MCTP2: variants seen among roughly 807,000 people sequenced by gnomAD.
MCTP2 encodes multiple C2 and transmembrane domain-containing protein 2.
Under a neutral mutation model 111.6 loss-of-function variants are expected in MCTP2, and 132 were observed. The observed-to-expected ratio is 1.18, with a 90% CI of 1.03 to 1.37. MCTP2 has a LOEUF of 1.37. MCTP2 is among the 40% of genes most tolerant of loss of function. The pLI is 0.00. For missense variants in MCTP2, 1,183 were observed against 1,067.9 expected (o/e 1.11, Z -1.50); for synonymous variants, 395 against 387.7 (o/e 1.02, Z -0.22).
chr15:94,466,221 CTT>C (rs1224254949), intron 20 of MCTP2, among the ~76,000 whole-genome samples: 4 of 152,126 alleles, frequency 2.6e-5, no homozygotes, highest in African/African-American at 9.6e-5. Flanking sequence ...TATCTGAAAT[CTT>C]TTCTTTCAGA....
chr15:94,419,430 A>T (rs2082522345), intron 17 of MCTP2, among the ~76,000 whole-genome samples: 1 of 152,138 alleles, frequency 6.6e-6, no homozygotes, highest in East Asian at 1.9e-4. Context: ...AAGTGGAAAT[A>T]TGAAGGTTTT....
chr15:94,399,894 C>T, intron 15 of MCTP2, 27 bp from the exon 16 acceptor site: 1 of 1,607,036 alleles, frequency 6.2e-7, no homozygotes, highest in African/African-American at 1.3e-5. Context: ...ACATGCTGCC[C>T]TTTTTTAACA....
intron 17 of MCTP2, among the ~76,000 whole-genome samples, chr15:94,426,496 T>A (rs7180817): frequency 4.2e-3 from 644 of 152,198 alleles, no homozygotes; most frequent in African/African-American, 0.013. Context: ...TCTGTTCCAC[T>A]GTTAAATTCA....
intron 1 of MCTP2, among the ~76,000 whole-genome samples, chr15:94,275,078 G>C (rs904031723): frequency 6.6e-6 from 1 of 152,152 alleles, no homozygotes; most frequent in East Asian, 1.9e-4. Context: ...CGCTTTGAAG[G>C]TTGCAGAAGA....
chr15:94,372,787 A>AG (rs1172692130), intron 12 of MCTP2, among the ~76,000 whole-genome samples: 2 of 151,966 alleles, frequency 1.3e-5, no homozygotes, highest in African/African-American at 4.8e-5. Context: ...TAAAAAAAAA[A>AG]GCATTTACTC....
At chr15:94,386,971 C>T (rs2080526798) in intron 14 of MCTP2, among the ~76,000 whole-genome samples, 1 of 152,030 alleles carries the variant, frequency 6.6e-6, no homozygotes, top group Non-Finnish European at 1.5e-5. Context: ...TTGTAGCCAA[C>T]CTAAAAAAAA....
chr15:94,440,574 C>T (rs1350662916), intron 18 of MCTP2, among the ~76,000 whole-genome samples: 1 of 152,216 alleles, frequency 6.6e-6, no homozygotes, highest in Non-Finnish European at 1.5e-5. Context: ...GTGTGCTCAT[C>T]TGATTCTCTG....
At chr15:94,275,746 A>T (rs564223207) in intron 1 of MCTP2, among the ~76,000 whole-genome samples, 3 of 152,206 alleles carry the variant, frequency 2.0e-5, no homozygotes, top group African/African-American at 7.2e-5. Context: ...ATCAACTTGT[A>T]AGAAAGATAA....
chr15:94,401,740 A>G (rs566622495), intron 16 of MCTP2, among the ~76,000 whole-genome samples, 160 bp from the exon 17 acceptor site: 10 of 152,364 alleles, frequency 6.6e-5, no homozygotes, highest in Non-Finnish European at 1.0e-4. Flanking sequence ...CATATTTTAA[A>G]AAGACTTTTA....
At chr15:94,309,107 T>C (rs2076016290) in intron 2 of MCTP2, among the ~76,000 whole-genome samples, 1 of 152,212 alleles carries the variant, frequency 6.6e-6, no homozygotes, top group Non-Finnish European at 1.5e-5. Context: ...CTTGGCCGTT[T>C]AGTAGGCTTG....
At chr15:94,245,311 T>C (rs1458457210) in intron 1 of MCTP2, among the ~76,000 whole-genome samples, 4 of 142,786 alleles carry the variant, frequency 2.8e-5, no homozygotes, top group Admixed American at 2.1e-4. Context: ...TATACATATA[T>C]GTACATATAT....
intron 1 of MCTP2, among the ~76,000 whole-genome samples, chr15:94,232,193 T>G (rs1305169498): frequency 7.9e-5 from 12 of 152,260 alleles, no homozygotes; most frequent in South Asian, 4.1e-4. Context: ...GACAGTGATG[T>G]TGGTGGTGAA....
At chr15:94,283,667 C>A (rs1267519754) in intron 1 of MCTP2, among the ~76,000 whole-genome samples, 2 of 152,158 alleles carry the variant, frequency 1.3e-5, no homozygotes, top group Non-Finnish European at 2.9e-5. Context: ...GGTCTACATC[C>A]TCCCTCTGTC....
At chr15:94,354,534 C>T (rs1217745082) in intron 8 of MCTP2, among the ~76,000 whole-genome samples, 2 of 152,122 alleles carry the variant, frequency 1.3e-5, no homozygotes, top group Non-Finnish European at 2.9e-5. Flanking sequence ...TCCCCTTCAC[C>T]TTCCATGGTG....
At chr15:94,443,341 C>A (rs2083899381) in intron 19 of MCTP2, among the ~76,000 whole-genome samples, 1 of 152,176 alleles carries the variant, frequency 6.6e-6, no homozygotes, top group African/African-American at 2.4e-5. Flanking sequence ...TCACCCACTT[C>A]CGCGCCTGTC....
In MCTP2 at chr15:94,245,720, A is replaced by G. The variant is rs868311145; in HGVS notation, c.-66+14056A>G. Among the ~76,000 whole-genome samples, 1,171 of 144,206 alleles carry G rather than the reference A, an allele frequency of 8.1e-3. 15 individuals carry two copies. Among genetic ancestry groups the G allele is most frequent in the African/African-American group, 0.03 (1,122 of 37,352 alleles). 94.6% of individuals were successfully genotyped at this position (144,206 alleles called of 152,430 possible). On this transcript the variant is annotated intron_variant, in intron 1 of 22. Coordinates refer to ENST00000357742, the MANE Select transcript of MCTP2 (RefSeq NM_001385001.1). ...TAAATATATGTGTGTGTGTGTGTAT[A>G]TATATATATATATATCTATATAGAC...
chr15:94,255,101 C>A (rs1455762), intron 1 of MCTP2, among the ~76,000 whole-genome samples: 64,879 of 151,960 alleles, frequency 0.43, 14,228 homozygotes, highest in Middle Eastern at 0.57. Context: ...TAAAGACAAA[C>A]TTTAGGAGAT....
In MCTP2 at chr15:94,250,541, C is replaced by T. The variant is rs2072340779; in HGVS notation, c.-66+18877C>T. ...ACCTGGCTCCTCAAAGAGCTAACAC[C>T]ATGAAATTACCTAGAAAACAAAATT... On this transcript the variant is annotated intron_variant, in intron 1 of 22. Coordinates refer to ENST00000357742, the MANE Select transcript of MCTP2 (RefSeq NM_001385001.1). Among the ~76,000 whole-genome samples the T allele has an allele frequency of 1.3e-5, 2 of 152,148 alleles. 1 individual carries two copies. The highest frequency in any genetic ancestry group is 4.1e-4 in the South Asian group (2 of 4,824).
chr15:94,267,947 G>C (rs2073658359), intron 1 of MCTP2, among the ~76,000 whole-genome samples: 1 of 132,536 alleles, frequency 7.5e-6, no homozygotes, highest in Admixed American at 9.0e-5. Context: ...CTCACTGCAA[G>C]CTCTGCCTCC....
Sources: gnomAD v4.1 joint callset for allele counts (sites outside exome capture counted in the v4.1 genomes callset) on GRCh38, gnomAD v4.1.1 for gene constraint, MANE v1.5 for transcripts, NCBI Gene and HGNC (gene_info 2026-07-23, HGNC 2026-07-21) for gene names.